The following PDE1A variants were observed in gnomAD, a reference collection of about 807,000 sequenced individuals.
PDE1A encodes dual specificity calcium/calmodulin-dependent 3',5'-cyclic nucleotide phosphodiesterase 1A.
In PDE1A, 35 loss-of-function variants were observed where a neutral mutation model predicts 61.7. That is an observed-to-expected ratio of 0.57 (90% CI 0.43 to 0.75). The LOEUF (loss-of-function observed/expected upper bound fraction) is 0.75. PDE1A is among the 30% of genes least tolerant of loss of function. The pLI is 0.00. For missense variants in PDE1A, 597 were observed against 630.6 expected (o/e 0.95, Z 0.57); for synonymous variants, 232 against 213.2 (o/e 1.09, Z -0.77).
At chr2:182,154,697 T>C (rs1014704953) in intron 13 of PDE1A, among the ~76,000 whole-genome samples, 1 of 152,198 alleles carries the variant, frequency 6.6e-6, no homozygotes, top group Non-Finnish European at 1.5e-5. Context: ...TCCTCAGACA[T>C]GTGGAGCCGT....
intron 1 of PDE1A, among the ~76,000 whole-genome samples, chr2:182,276,755 T>C (rs1574228406): frequency 6.6e-6 from 1 of 152,158 alleles, no homozygotes; most frequent in East Asian, 1.9e-4. Flanking sequence ...GTAGGGAAGA[T>C]ATCACTGAAT....
chr2:182,205,479 T>G (rs1175914397), intron 8 of PDE1A, among the ~76,000 whole-genome samples: 1 of 152,138 alleles, frequency 6.6e-6, no homozygotes, highest in Non-Finnish European at 1.5e-5. Flanking sequence ...AGATTTCCTC[T>G]GCACTTGGGT....
intron 1 of PDE1A, among the ~76,000 whole-genome samples, chr2:182,358,600 T>G (rs866256699): frequency 1.3e-5 from 2 of 152,184 alleles, no homozygotes; most frequent in Non-Finnish European, 2.9e-5. Flanking sequence ...ATATTATAGT[T>G]GCATCTGTAT....
At chr2:182,282,188 T>A (rs368595767) in intron 1 of PDE1A, among the ~76,000 whole-genome samples, 3 of 151,968 alleles carry the variant, frequency 2.0e-5, no homozygotes, top group East Asian at 3.9e-4. Context: ...TTCCACTCAC[T>A]TATCCTCACT....
chr2:182,466,403 T>C (rs1686670183), intron 2 of PDE1A, among the ~76,000 whole-genome samples: 2 of 152,056 alleles, frequency 1.3e-5, no homozygotes, highest in Non-Finnish European at 2.9e-5. Flanking sequence ...ATGTTTGTCA[T>C]TGATAACTTC....
the PDE1A span, among the ~76,000 whole-genome samples, chr2:182,638,186 T>C: frequency 6.6e-6 from 1 of 152,172 alleles, no homozygotes; most frequent in Non-Finnish European, 1.5e-5. Flanking sequence ...GGATGAGGGA[T>C]TGCTCATGCA....
At chr2:182,621,041 C>T in the PDE1A span, among the ~76,000 whole-genome samples, 1 of 152,160 alleles carries the variant, frequency 6.6e-6, no homozygotes, top group Admixed American at 6.5e-5. Context: ...GGATATACTC[C>T]TAGTGACACA....
chr2:182,593,600 G>C, the PDE1A span, among the ~76,000 whole-genome samples: 1 of 152,160 alleles, frequency 6.6e-6, no homozygotes, highest in African/African-American at 2.4e-5. Context: ...AACTCCTTTG[G>C]AGTTTCTGCC....
At chr2:182,606,221 C>A in the PDE1A span, among the ~76,000 whole-genome samples, 2 of 152,162 alleles carry the variant, frequency 1.3e-5, no homozygotes, top group African/African-American at 4.8e-5. Context: ...CCCTATCGCC[C>A]AGGCTGGAAT....
chr2:182,654,135 A>G, the PDE1A span, among the ~76,000 whole-genome samples: 1 of 152,212 alleles, frequency 6.6e-6, no homozygotes. Context: ...CTTGATTGAT[A>G]GAGATTGAAA....
At chr2:182,544,203 C>A in the PDE1A span, among the ~76,000 whole-genome samples, 1 of 152,212 alleles carries the variant, frequency 6.6e-6, no homozygotes, top group Admixed American at 6.5e-5. Flanking sequence ...CTGACCATAA[C>A]TGGCAACCAA....
At chr2:182,632,327 TGA>T in the PDE1A span, among the ~76,000 whole-genome samples, 3 of 152,190 alleles carry the variant, frequency 2.0e-5, no homozygotes, top group Non-Finnish European at 2.9e-5. Flanking sequence ...TAAATAAAAC[TGA>T]TGATGTTTTA....
At chr2:182,174,464 G>A (rs537154581) in intron 13 of PDE1A, among the ~76,000 whole-genome samples, 74 of 152,196 alleles carry the variant, frequency 4.9e-4, no homozygotes, top group Admixed American at 4.1e-3. Context: ...ATACTTTTCA[G>A]AAGGAGCAAG....
At chr2:182,142,466 G>A (rs906897588), downstream of PDE1A, 1 of 152,122 alleles carries the variant, frequency 6.6e-6, no homozygotes, top group Non-Finnish European at 1.5e-5. Flanking sequence ...GGGATCTAAT[G>A]CTCCATTGTT....
At chr2:182,688,515 G>T in the PDE1A span, among the ~76,000 whole-genome samples, 16 of 152,128 alleles carry the variant, frequency 1.1e-4, no homozygotes, top group Admixed American at 5.9e-4. Flanking sequence ...CCCTACAAGA[G>T]CTCCTGAAGG....
At chr2:182,526,100 T>C (rs191902851), upstream of PDE1A, among the ~76,000 whole-genome samples, 5 of 152,254 alleles carry the variant, frequency 3.3e-5, no homozygotes, top group East Asian at 7.7e-4. Context: ...TCAAGAATAT[T>C]TAAAAACAAA....
At chr2:182,696,817 A>G in the PDE1A span, among the ~76,000 whole-genome samples, 1 of 152,226 alleles carries the variant, frequency 6.6e-6, no homozygotes, top group Non-Finnish European at 1.5e-5. Context: ...TTCCTATGAA[A>G]TGTATGAAGC....
the PDE1A span, among the ~76,000 whole-genome samples, chr2:182,537,153 T>C: frequency 1.3e-5 from 2 of 152,240 alleles, no homozygotes; most frequent in African/African-American, 4.8e-5. Flanking sequence ...TTGGTGTAAC[T>C]GCTTACATAG....
At chr2:182,586,858 A>C in the PDE1A span, among the ~76,000 whole-genome samples, 18 of 152,360 alleles carry the variant, frequency 1.2e-4, no homozygotes, top group East Asian at 3.5e-3. Flanking sequence ...AATAGTAAGA[A>C]AGATACAGTG....
Sources: gnomAD v4.1 joint callset for allele counts (sites outside exome capture counted in the v4.1 genomes callset) on GRCh38, gnomAD v4.1.1 for gene constraint, MANE v1.5 for transcripts, NCBI Gene and HGNC (gene_info 2026-07-23, HGNC 2026-07-21) for gene names.